The following GPC5 variants were observed in gnomAD, a reference collection of about 807,000 sequenced individuals.
GPC5 encodes the protein glypican 5.
In GPC5, 47 loss-of-function variants were observed where a neutral mutation model predicts 53.9. The observed-to-expected ratio is 0.87, with a 90% CI of 0.69 to 1.11. The LOEUF is 1.11. Ranked by LOEUF, GPC5 falls within the 50% of genes most tolerant of loss-of-function variation. The pLI is 0.00. For missense variants in GPC5, 748 were observed against 713.1 expected (o/e 1.05, Z -0.56); for synonymous variants, 286 against 263.3 (o/e 1.09, Z -0.84).
intron 7 of GPC5, among the ~76,000 whole-genome samples, chr13:92,722,902 A>G (rs577854457): frequency 6.6e-6 from 1 of 151,976 alleles, no homozygotes; most frequent in South Asian, 2.1e-4. Flanking sequence ...TGTGAAAGTT[A>G]CCACTCAATG....
At chr13:91,554,294 A>G (rs1361726901) in intron 2 of GPC5, among the ~76,000 whole-genome samples, 1 of 152,012 alleles carries the variant, frequency 6.6e-6, no homozygotes, top group Admixed American at 6.6e-5. Flanking sequence ...ACACATACAC[A>G]GACTCACAGA....
intron 7 of GPC5, among the ~76,000 whole-genome samples, chr13:92,179,243 T>C (rs1417674426): frequency 6.6e-6 from 1 of 152,066 alleles, no homozygotes; most frequent in East Asian, 1.9e-4. Flanking sequence ...CTAAAAAAAT[T>C]TTCAATTAAA....
At chr13:91,461,507 G>A (rs1178451806) in intron 2 of GPC5, among the ~76,000 whole-genome samples, 1 of 152,026 alleles carries the variant, frequency 6.6e-6, no homozygotes, top group African/African-American at 2.4e-5. Context: ...CTTCTAGCTG[G>A]ACCTCAATAT....
intron 5 of GPC5, among the ~76,000 whole-genome samples, chr13:91,884,179 G>GCTTCC (rs2039298473): frequency 6.6e-6 from 1 of 152,160 alleles, no homozygotes; most frequent in Non-Finnish European, 1.5e-5. Context: ...CACTGTGGAA[G>GCTTCC]ACAGTGTGGT....
intron 7 of GPC5, among the ~76,000 whole-genome samples, chr13:92,298,235 C>G (rs917267645): frequency 6.6e-6 from 1 of 152,132 alleles, no homozygotes; most frequent in African/African-American, 2.4e-5. Flanking sequence ...AGAACTTGTC[C>G]TAGGCTCCCC....
At chr13:91,969,738 A>G (rs142643369) in intron 6 of GPC5, among the ~76,000 whole-genome samples, 137 of 152,322 alleles carry the variant, frequency 9.0e-4, no homozygotes, top group African/African-American at 3.2e-3. Flanking sequence ...ATAAAACATA[A>G]AATAGCCAAC....
At chr13:92,845,274 G>C (rs190770235) in intron 7 of GPC5, among the ~76,000 whole-genome samples, 1 of 152,136 alleles carries the variant, frequency 6.6e-6, no homozygotes, top group East Asian at 1.9e-4. Context: ...GAGAAACGCT[G>C]ACTTGACATG....
At chr13:91,600,368 T>C (rs2033142162) in intron 2 of GPC5, among the ~76,000 whole-genome samples, 1 of 151,440 alleles carries the variant, frequency 6.6e-6, no homozygotes, top group Non-Finnish European at 1.5e-5. Flanking sequence ...TGTGTGTGTG[T>C]ATAGACATGT....
chr13:92,350,409 T>C (rs1468902780), intron 7 of GPC5, among the ~76,000 whole-genome samples: 1 of 152,112 alleles, frequency 6.6e-6, no homozygotes, highest in Non-Finnish European at 1.5e-5. Context: ...GAGAAATAAA[T>C]GAATTATGCT....
intron 7 of GPC5, among the ~76,000 whole-genome samples, chr13:92,366,322 C>T (rs954535730): frequency 4.6e-5 from 7 of 151,662 alleles, no homozygotes. Context: ...TCTGGTCTTG[C>T]CCGGTTCTCT....
chr13:91,486,485 A>T (rs1241678747), intron 2 of GPC5: 1 of 152,246 alleles, frequency 6.6e-6, no homozygotes, highest in African/African-American at 2.4e-5. Context: ...AAATAATAAC[A>T]CATAGTCAGC....
chr13:91,854,377 C>T (rs764791622), intron 5 of GPC5, among the ~76,000 whole-genome samples: 4 of 151,708 alleles, frequency 2.6e-5, no homozygotes, highest in African/African-American at 9.7e-5. Flanking sequence ...AAGCATTTAT[C>T]GTTTGTGTTA....
At chr13:92,681,662 G>T (rs780540531) in intron 7 of GPC5, among the ~76,000 whole-genome samples, 7 of 152,166 alleles carry the variant, frequency 4.6e-5, no homozygotes, top group Non-Finnish European at 7.3e-5. Context: ...GACCCTGTCC[G>T]TCTCGCCCTC....
rs574362761 is a variant in GPC5, at chr13:92,665,105, C to T, written c.1562-201177C>T. Among the ~76,000 whole-genome samples the T allele has an allele frequency of 3.9e-5, 6 of 151,992 alleles. No individual in the cohort carries two copies. In the South Asian group the frequency reaches 1.3e-3, roughly 32 times the overall value. ...ACGGAAAATTTCTGAAAGGATGCAC[C>T]CAAAACTGCTAACATTATTTGCCAC... On this transcript the variant is annotated intron_variant, in intron 7 of 7. Coordinates refer to ENST00000377067, the MANE Select transcript of GPC5 (RefSeq NM_004466.6).
intron 7 of GPC5, among the ~76,000 whole-genome samples, chr13:92,291,953 T>A (rs1594074724): frequency 1.3e-5 from 2 of 152,042 alleles, no homozygotes; most frequent in Non-Finnish European, 2.9e-5. Flanking sequence ...AAGAACAAAC[T>A]CCGGACACGC....
At chr13:92,131,451 A>T (rs1391096367) in intron 6 of GPC5, among the ~76,000 whole-genome samples, 1 of 152,038 alleles carries the variant, frequency 6.6e-6, no homozygotes, top group African/African-American at 2.4e-5. Context: ...GAATCATCTA[A>T]TAACACAGTT....
chr13:91,997,283 A>G (rs2040512247), intron 6 of GPC5, among the ~76,000 whole-genome samples: 1 of 152,042 alleles, frequency 6.6e-6, no homozygotes, highest in Non-Finnish European at 1.5e-5. Context: ...CATAATTTTT[A>G]TTTCCTTGTC....
At chr13:92,008,698 C>G (rs902883910) in intron 6 of GPC5, among the ~76,000 whole-genome samples, 1 of 152,124 alleles carries the variant, frequency 6.6e-6, no homozygotes, top group Non-Finnish European at 1.5e-5. Flanking sequence ...GCTAAACTTC[C>G]TGAATCTGTG....
At chr13:92,113,319 A>G (rs905025327) in intron 6 of GPC5, among the ~76,000 whole-genome samples, 1 of 152,088 alleles carries the variant, frequency 6.6e-6, no homozygotes, top group Admixed American at 6.5e-5. Context: ...CTTGTTTTTA[A>G]TTTGTATTCA....
Sources: gnomAD v4.1 joint callset for allele counts (sites outside exome capture counted in the v4.1 genomes callset) on GRCh38, gnomAD v4.1.1 for gene constraint, MANE v1.5 for transcripts, NCBI Gene and HGNC (gene_info 2026-07-23, HGNC 2026-07-21) for gene names.